The following RARB variants were observed in gnomAD, a reference collection of about 807,000 sequenced individuals.
RARB encodes HBV-activated protein.
RARB carries 17 observed loss-of-function variants against 51.9 expected under a neutral mutation model. The observed-to-expected ratio is 0.33, with a 90% CI of 0.22 to 0.49. RARB has a LOEUF of 0.49. Among genes scored for constraint, RARB ranks in the 20% least tolerant of loss-of-function variants. The probability of loss-of-function intolerance (pLI) is 0.99; values close to 1 mark genes in which losing one functional copy is unlikely to be tolerated. For synonymous variants in RARB, 215 were observed against 195.4 expected, an observed-to-expected ratio of 1.10 and a Z score of -0.84; for missense variants, 369 against 550.8, an observed-to-expected ratio of 0.67 and a Z score of 3.30.
intron 3 of RARB, among the ~76,000 whole-genome samples, chr3:25,063,718 T>C (rs1698598411): frequency 6.6e-6 from 1 of 151,544 alleles, no homozygotes; most frequent in Non-Finnish European, 1.5e-5. Flanking sequence ...CTTTTTTTTT[T>C]TTTTTTTAAA....
chr3:25,178,057 C>A (rs911521248), intron 5 of RARB, among the ~76,000 whole-genome samples: 4 of 151,926 alleles, frequency 2.6e-5, no homozygotes, highest in Admixed American at 2.0e-4. Context: ...GGGCCCTGTT[C>A]TTTTGCAGTG....
intron 2 of RARB, among the ~76,000 whole-genome samples, chr3:24,952,759 T>C (rs1695924938): frequency 6.7e-6 from 1 of 148,520 alleles, no homozygotes; most frequent in Non-Finnish European, 1.5e-5. Context: ...CTTTCCCTGA[T>C]AGATTCATTA....
At chr3:25,208,066 G>A (rs367786962) in intron 5 of RARB, among the ~76,000 whole-genome samples, 5 of 152,138 alleles carry the variant, frequency 3.3e-5, no homozygotes, top group East Asian at 1.9e-4. Context: ...TTAAGCAACC[G>A]GATCTCATGA....
At chr3:24,866,031 A>G (rs923510089) in intron 2 of RARB, among the ~76,000 whole-genome samples, 1 of 152,096 alleles carries the variant, frequency 6.6e-6, no homozygotes, top group African/African-American at 2.4e-5. Context: ...ATCAAAAGTA[A>G]AACATTGGTC....
chr3:24,857,569 A>G (rs957021315), intron 1 of RARB, among the ~76,000 whole-genome samples: 1 of 152,208 alleles, frequency 6.6e-6, no homozygotes, highest in Non-Finnish European at 1.5e-5. Context: ...TCAACTCAGC[A>G]TCCCGTATTT....
chr3:25,242,737 A>G (rs934961879), intron 5 of RARB, among the ~76,000 whole-genome samples: 1 of 152,188 alleles, frequency 6.6e-6, no homozygotes, highest in Non-Finnish European at 1.5e-5. Context: ...GAAGTGAAGT[A>G]GCATGATGCC....
chr3:25,048,545 T>C (rs1483048089), intron 2 of RARB, among the ~76,000 whole-genome samples: 1 of 152,148 alleles, frequency 6.6e-6, no homozygotes, highest in Non-Finnish European at 1.5e-5. Flanking sequence ...TCTAAAAATA[T>C]TTATAATTGT....
chr3:25,480,200 G>T (rs1696157140), intron 2 of RARB, among the ~76,000 whole-genome samples: 1 of 152,148 alleles, frequency 6.6e-6, no homozygotes, highest in African/African-American at 2.4e-5. Context: ...TTCATCTTTT[G>T]TGTAATAACA....
At chr3:25,056,597 C>T (rs1202267610) in intron 2 of RARB, among the ~76,000 whole-genome samples, 1 of 152,032 alleles carries the variant, frequency 6.6e-6, no homozygotes, top group Non-Finnish European at 1.5e-5. Flanking sequence ...GCAATAGATC[C>T]TCTTAGTAGC....
chr3:25,101,820 C>A (rs977223790), intron 3 of RARB, among the ~76,000 whole-genome samples: 5 of 151,970 alleles, frequency 3.3e-5, no homozygotes, highest in Non-Finnish European at 5.9e-5. Flanking sequence ...GTATGAGGAT[C>A]CCTGCTTCCC....
At chr3:25,032,394 T>G (rs937463322) in intron 2 of RARB, among the ~76,000 whole-genome samples, 3 of 152,192 alleles carry the variant, frequency 2.0e-5, no homozygotes, top group African/African-American at 7.2e-5. Context: ...CAAAGCCAGT[T>G]TCAGTCATTA....
intron 5 of RARB, among the ~76,000 whole-genome samples, chr3:25,329,317 A>C (rs578086369): frequency 3.3e-5 from 5 of 152,210 alleles, no homozygotes; most frequent in Non-Finnish European, 7.4e-5. Context: ...TGCCCCTCTG[A>C]GACGAAGCTT....
intron 2 of RARB, among the ~76,000 whole-genome samples, chr3:25,036,970 T>C (rs1698008733): frequency 6.6e-6 from 1 of 152,212 alleles, no homozygotes; most frequent in South Asian, 2.1e-4. Flanking sequence ...GATAGGGATT[T>C]ACAAAAGTTT....
exon 3 of RARB, chr3:25,060,137 A>G (rs1225786932): frequency 6.6e-6 from 1 of 151,830 alleles, no homozygotes; most frequent in Non-Finnish European, 1.5e-5. Flanking sequence ...AAAACAGAGT[A>G]CTGCAGAGAT....
chr3:24,955,014 G>A (rs75688170), intron 2 of RARB, among the ~76,000 whole-genome samples: 125 of 152,320 alleles, frequency 8.2e-4, no homozygotes, highest in African/African-American at 2.9e-3. Context: ...TCAATGGAGA[G>A]TCAGGGTGGC....
intron 2 of RARB, among the ~76,000 whole-genome samples, chr3:25,049,994 A>G (rs1173609676): frequency 1.3e-5 from 2 of 152,208 alleles, no homozygotes; most frequent in Non-Finnish European, 2.9e-5. Context: ...AGATGATACT[A>G]TTAACAATTT....
chr3:25,269,461 A>G (rs1299518723), intron 5 of RARB, among the ~76,000 whole-genome samples: 1 of 152,262 alleles, frequency 6.6e-6, no homozygotes, highest in Admixed American at 6.5e-5. Flanking sequence ...TAGCTGCATG[A>G]CCTTGGGCAA....
chr3:24,883,208 G>A (rs1487757264), intron 2 of RARB, among the ~76,000 whole-genome samples: 4 of 152,128 alleles, frequency 2.6e-5, no homozygotes, highest in Admixed American at 6.5e-5. Flanking sequence ...TCCAACTGAA[G>A]TCAATTGATA....
intron 4 of RARB, among the ~76,000 whole-genome samples, chr3:25,159,346 T>A (rs1700436349): frequency 6.6e-6 from 1 of 151,516 alleles, no homozygotes; most frequent in Non-Finnish European, 1.5e-5. Context: ...ATTTTGTGTT[T>A]TTAGTAGAGA....
Sources: gnomAD v4.1 joint callset for allele counts (sites outside exome capture counted in the v4.1 genomes callset) on GRCh38, gnomAD v4.1.1 for gene constraint, MANE v1.5 for transcripts, NCBI Gene and HGNC (gene_info 2026-07-23, HGNC 2026-07-21) for gene names.